Variants in ALOX5 observed in about 807,000 individuals in gnomAD.
ALOX5 encodes the protein polyunsaturated fatty acid 5-lipoxygenase.
A neutral mutation model predicts 87.9 loss-of-function variants in ALOX5; 64 were observed. The observed-to-expected ratio is 0.73, with a 90% CI of 0.60 to 0.90. ALOX5 has a LOEUF of 0.90. ALOX5 is among the 40% of genes least tolerant of loss of function. The pLI, the probability that ALOX5 is intolerant of heterozygous loss-of-function variation, is 0.00. For missense variants in ALOX5, 822 were observed against 907.5 expected, an observed-to-expected ratio of 0.91 and a Z score of 1.21; for synonymous variants, 388 against 355.1, an observed-to-expected ratio of 1.09 and a Z score of -1.04.
chr10:45,441,609 A>C, intron 9 of ALOX5, 179 bp downstream of exon 9: 2 of 565,164 alleles, frequency 3.5e-6, no homozygotes, highest in South Asian at 2.6e-5. Flanking sequence ...AGCCAGGAGC[A>C]CTCCTCCAGG....
At chr10:45,382,081 C>A (rs1448835000) in intron 1 of ALOX5, among the ~76,000 whole-genome samples, 1 of 152,196 alleles carries the variant, frequency 6.6e-6, no homozygotes, top group East Asian at 1.9e-4. Context: ...GTCAATCCCC[C>A]TTAGATACTG....
rs9282586 is a variant in ALOX5 at position 45,396,087 on chromosome 10, CA to C, written c.431+154del. Reference sequence around the variant, plus strand: ...GCTCCCAGTGTGGGTGCACAATCCCCAAACTTCACCTTACCTACAACTCCAG... The same window carrying C: ...GCTCCCAGTGTGGGTGCACAATCCCCAACTTCACCTTACCTACAACTCCAG... On this transcript the variant is annotated intron_variant, in intron 3 of 13. Coordinates refer to ENST00000374391, the MANE Select transcript of ALOX5 (RefSeq NM_000698.5). 1,276 of 677,346 alleles carry C rather than the reference CA, an allele frequency of 1.9e-3. 12 individuals carry two copies. The African/African-American group carries it at 0.02, about 11-fold the overall frequency. The allele number at this position is 677,346 out of a possible 1,614,324, so 42.0% of individuals were successfully genotyped here. A position where few individuals can be genotyped will look rare whatever the true frequency, so the allele number is the denominator to read the frequency against.
chr10:45,422,956 C>T (rs2132799998), intron 4 of ALOX5, among the ~76,000 whole-genome samples: 2 of 152,276 alleles, frequency 1.3e-5, no homozygotes, highest in South Asian at 4.1e-4. Flanking sequence ...GGGGACAGGG[C>T]ATGAATAAGC....
intron 8 of ALOX5, 77 bp from the exon 9 acceptor site, chr10:45,441,266 TG>T (rs1042766452): frequency 2.3e-6 from 3 of 1,289,768 alleles, no homozygotes; most frequent in African/African-American, 2.9e-5. Flanking sequence ...CAGGCCTGGG[TG>T]GGGGAGCTGC....
chr10:45,390,966 G>A (rs948483854), intron 2 of ALOX5, among the ~76,000 whole-genome samples: 2 of 147,052 alleles, frequency 1.4e-5, no homozygotes, highest in African/African-American at 2.5e-5. Context: ...AAGAAGAAAA[G>A]AGAAGAATCA....
chr10:45,380,293 G>T (rs1383586279), intron 1 of ALOX5, among the ~76,000 whole-genome samples: 2 of 152,242 alleles, frequency 1.3e-5, no homozygotes, highest in African/African-American at 4.8e-5. Flanking sequence ...CCCACCACAT[G>T]GGCCTGGCTC....
At chr10:45,432,351 C>A (rs1841932211) in intron 7 of ALOX5, among the ~76,000 whole-genome samples, 1 of 147,582 alleles carries the variant, frequency 6.8e-6, no homozygotes. Context: ...CAGAGTAAGA[C>A]CCTATCTTTA....
intron 2 of ALOX5, among the ~76,000 whole-genome samples, chr10:45,393,659 A>T (rs1024847435): frequency 5.3e-5 from 8 of 152,372 alleles, no homozygotes; most frequent in Admixed American, 1.3e-4. Flanking sequence ...AGAGGAAGTC[A>T]AATTGTCCCT....
chr10:45,436,999 C>T (rs912583107), intron 7 of ALOX5, among the ~76,000 whole-genome samples: 1 of 152,114 alleles, frequency 6.6e-6, no homozygotes, highest in African/African-American at 2.4e-5. Context: ...TAACTGAGAT[C>T]ACCACGTTCC....
intron 3 of ALOX5, among the ~76,000 whole-genome samples, chr10:45,404,872 C>G (rs531417388): frequency 1.3e-5 from 2 of 152,328 alleles, no homozygotes; most frequent in South Asian, 4.1e-4. Context: ...GGCATTCTGC[C>G]AGTAGACACC....
intron 2 of ALOX5, among the ~76,000 whole-genome samples, chr10:45,388,321 C>G (rs531881087): frequency 6.7e-6 from 1 of 148,530 alleles, no homozygotes; most frequent in African/African-American, 2.4e-5. Context: ...ATGTCCCTGT[C>G]TGACAGCTTT....
intron 4 of ALOX5, among the ~76,000 whole-genome samples, chr10:45,416,600 A>T (rs1376377002): frequency 1.3e-5 from 2 of 152,160 alleles, no homozygotes; most frequent in African/African-American, 4.8e-5. Flanking sequence ...ATGGTGAGGT[A>T]GTGAGGTGGA....
At chr10:45,400,567 C>T (rs1469405494) in intron 3 of ALOX5, among the ~76,000 whole-genome samples, 1 of 152,086 alleles carries the variant, frequency 6.6e-6, no homozygotes, top group East Asian at 1.9e-4. Flanking sequence ...CCACTGCACT[C>T]CAGCCTGGGT....
intron 7 of ALOX5, among the ~76,000 whole-genome samples, chr10:45,438,496 G>A (rs1390515707): frequency 1.1e-5 from 1 of 92,538 alleles, no homozygotes; most frequent in Non-Finnish European, 2.2e-5. Flanking sequence ...TCAGGAACAT[G>A]TCAGTGTCCC....
At chr10:45,432,367 A>G (rs1207338781) in intron 7 of ALOX5, among the ~76,000 whole-genome samples, 2 of 151,742 alleles carry the variant, frequency 1.3e-5, no homozygotes, top group African/African-American at 4.8e-5. Context: ...CTTTAAAAAA[A>G]AAAAAAAAAA....
intron 3 of ALOX5, among the ~76,000 whole-genome samples, chr10:45,405,296 G>A (rs1564426364): frequency 1.3e-5 from 2 of 152,194 alleles, no homozygotes. Flanking sequence ...TACCAGCTGT[G>A]TATGAAAAGA....
intron 9 of ALOX5, among the ~76,000 whole-genome samples, chr10:45,441,853 A>C (rs1001987481): frequency 6.7e-6 from 1 of 149,952 alleles, no homozygotes. Context: ...CTCCCAACCC[A>C]CTGTCTCCTG....
chr10:45,383,614 G>A (rs71494776), intron 2 of ALOX5, among the ~76,000 whole-genome samples: 6,957 of 152,222 alleles, frequency 0.046, 291 homozygotes, highest in East Asian at 0.18. Context: ...AGTTTGGTGG[G>A]GTAGGTAGGA....
intron 1 of ALOX5, among the ~76,000 whole-genome samples, chr10:45,374,876 T>G (rs1839541284): frequency 6.6e-6 from 1 of 152,078 alleles, no homozygotes; most frequent in African/African-American, 2.4e-5. Context: ...CTCACAGAAC[T>G]CTGAGGGCAC....
Sources: gnomAD v4.1 joint callset for allele counts (sites outside exome capture counted in the v4.1 genomes callset) on GRCh38, gnomAD v4.1.1 for gene constraint, MANE v1.5 for transcripts, NCBI Gene and HGNC (gene_info 2026-07-23, HGNC 2026-07-21) for gene names.